PRIMPOL: variants seen among roughly 807,000 people sequenced by gnomAD.
PRIMPOL encodes the protein DNA-directed primase/polymerase protein.
In PRIMPOL, 54 loss-of-function variants were observed where a neutral mutation model predicts 63.6. The ratio of observed to expected loss-of-function variants is 0.85; its 90% CI spans 0.68 to 1.07. The LOEUF (loss-of-function observed/expected upper bound fraction) is 1.07. Ranked by LOEUF, PRIMPOL falls within the 50% of genes least tolerant of loss-of-function variation. PRIMPOL has a pLI of 0.00. For synonymous variants in PRIMPOL, 197 were observed against 220.2 expected, an observed-to-expected ratio of 0.89 and a Z score of 0.93; for missense variants, 610 against 648.3, an observed-to-expected ratio of 0.94 and a Z score of 0.64.
intron 6 of PRIMPOL, among the ~76,000 whole-genome samples, chr4:184,668,376 C>G (rs536812607): frequency 6.6e-6 from 1 of 152,262 alleles, no homozygotes; most frequent in Non-Finnish European, 1.5e-5. Context: ...GGCTAGAGTG[C>G]GCTGATTCTG....
intron 7 of PRIMPOL, among the ~76,000 whole-genome samples, chr4:184,675,978 C>T (rs999535283): frequency 6.6e-6 from 1 of 152,138 alleles, no homozygotes; most frequent in Non-Finnish European, 1.5e-5. Context: ...TAGTAGTAGT[C>T]TGATTTTATC....
intron 2 of PRIMPOL, among the ~76,000 whole-genome samples, chr4:184,655,386 CG>C (rs1260788536): frequency 1.4e-5 from 2 of 146,472 alleles, no homozygotes; most frequent in Non-Finnish European, 3.0e-5. Context: ...TGCAGTGGTG[CG>C]ATCTCGGCTC....
chr4:184,685,684 TGTAA>T lies in PRIMPOL; in HGVS notation c.1295+5_1295+8del. The T allele has an allele frequency of 7.7e-7, 1 of 1,303,172 alleles. No homozygotes were observed. The allele number at this position is 1,303,172 out of a possible 1,614,324, so 80.7% of individuals were successfully genotyped here. ...AGAGCCCATAAGAGTAATAATATAA[TGTAA>T]GTAATATTAATGATTTGTGTGTATT... On this transcript the variant is annotated splice_donor_variant and splice_donor_region_variant and intron_variant, in intron 11 of 13. Transcript: ENST00000314970. LOFTEE classifies it high-confidence loss of function.
chr4:184,682,423 A>G, intron 9 of PRIMPOL, 87 bp downstream of exon 9: 1 of 680,762 alleles, frequency 1.5e-6, no homozygotes. Flanking sequence ...ATCTCGGCTC[A>G]CTGCAGCCTC....
rs1307629784 is a variant in PRIMPOL, at chr4:184,661,721, A to C, written c.279-53A>C. The C allele has an allele frequency of 2.4e-6, 3 of 1,231,038 alleles. No homozygotes were observed. In the African/African-American group the frequency reaches 4.6e-5, roughly 19 times the overall value. The allele number at this position is 1,231,038 out of a possible 1,614,324, so 76.3% of individuals were successfully genotyped here. A position where few individuals can be genotyped will look rare whatever the true frequency, so the allele number is the denominator to read the frequency against. On this transcript the variant is annotated intron_variant, in intron 4 of 13. Transcript: ENST00000314970. ...CTCAGTCTCAGTCAGTCAATCAATCAATCAATAAAGGTATAATATATCAAT... is the reference window on the plus strand; with the variant it reads ...CTCAGTCTCAGTCAGTCAATCAATCCATCAATAAAGGTATAATATATCAAT...
chr4:184,677,111 T>C (rs1490127742), intron 7 of PRIMPOL, among the ~76,000 whole-genome samples: 1 of 144,228 alleles, frequency 6.9e-6, no homozygotes, highest in Admixed American at 7.0e-5. Flanking sequence ...TTCTCTCTCT[T>C]TCTTTCTAAG....
Position 184,691,690 on chromosome 4 carries a change from G to C in PRIMPOL, c.1403G>C (p.Cys468Ser), listed in dbSNP as rs776981101. 6.2e-7 allele frequency: 1 copy of C among 1,612,386 alleles called. No individual in the cohort carries two copies. The highest frequency in any genetic ancestry group is 1.1e-5 in the South Asian group (1 of 91,034). ...SDCFPLPAEV[C>S]LLFLFKEEEE... ...GGTTTCCCATTACCTGCTGAAGTAT[G>C]TCTCCTGTTTCTTTTCAAAGAGGTA... is the stretch of plus-strand genomic sequence containing the variant. Residue 468 changes from cysteine (C) to serine (S), a missense_variant, in exon 13 of 14, where the codon TGT (cysteine) becomes TCT (serine). Cys to Ser is a moderately radical substitution (Grantham distance 112). This residue lies in a region of PRIMPOL where 444 missense variants were observed against 456.4 expected (regional missense o/e 0.97). Transcript: ENST00000314970.
At chr4:184,656,785 C>G (rs542994225) in intron 2 of PRIMPOL, among the ~76,000 whole-genome samples, 67 of 152,284 alleles carry the variant, frequency 4.4e-4, no homozygotes, top group African/African-American at 1.6e-3. Flanking sequence ...TGTCTTACCA[C>G]ATTTATCTTC....
At chr4:184,693,456 A>T (rs1254280691) in intron 13 of PRIMPOL, among the ~76,000 whole-genome samples, 10 of 152,240 alleles carry the variant, frequency 6.6e-5, no homozygotes, top group African/African-American at 2.4e-4. Flanking sequence ...ATAACTTTTT[A>T]AAGTAAGATA....
intron 4 of PRIMPOL, 56 bp from the exon 5 acceptor site, chr4:184,661,718 A>ATC: frequency 8.3e-7 from 1 of 1,206,718 alleles, no homozygotes; most frequent in Non-Finnish European, 1.2e-6. Context: ...CAGTCAATCA[A>ATC]TCAATCAATA....
In PRIMPOL at chr4:184,666,059, A is replaced by T; in HGVS notation, c.551A>T (p.His184Leu). 6.2e-7 allele frequency: 1 copy of T among 1,603,054 alleles called. No homozygotes were observed. The highest frequency in any genetic ancestry group is 2.2e-5 in the East Asian group (1 of 44,818). Reference protein sequence around the residue: ...LHDVAFKDNIHVGNFLRKILQ... With the variant: ...LHDVAFKDNILVGNFLRKILQ... ...GATGTGGCATTTAAAGATAATATTC[A>T]TGTTGGTAAGTACACGGCTTTTTAA... Residue 184 changes from histidine to leucine, a missense_variant, in exon 6 of 14, where the codon CAT becomes CTT. This residue lies in a region of PRIMPOL where 444 missense variants were observed against 456.4 expected (regional missense o/e 0.97). Coordinates refer to ENST00000314970, the MANE Select transcript of PRIMPOL (RefSeq NM_152683.4).
chr4:184,669,141 C>A (rs1750877198), intron 6 of PRIMPOL, among the ~76,000 whole-genome samples: 1 of 152,170 alleles, frequency 6.6e-6, no homozygotes, highest in Non-Finnish European at 1.5e-5. Context: ...GGCTGCACAA[C>A]AAAGGCTTTT....
chr4:184,670,636 C>T (rs1207366679), intron 6 of PRIMPOL, among the ~76,000 whole-genome samples: 2 of 151,606 alleles, frequency 1.3e-5, no homozygotes, highest in Non-Finnish European at 2.9e-5. Flanking sequence ...GCAACCTCCA[C>T]CTCCCAGGTT....
At chr4:184,682,005 T>A (rs1160336834) in intron 8 of PRIMPOL, among the ~76,000 whole-genome samples, 2 of 152,238 alleles carry the variant, frequency 1.3e-5, no homozygotes, top group East Asian at 1.9e-4. Flanking sequence ...GATAGTATTA[T>A]AAGTAATCAC....
At chr4:184,667,357 C>T (rs969530254) in intron 6 of PRIMPOL, among the ~76,000 whole-genome samples, 23 of 151,870 alleles carry the variant, frequency 1.5e-4, no homozygotes, top group Non-Finnish European at 2.2e-4. Flanking sequence ...GTCGCCCAGG[C>T]TGGAGTGCAG....
At chr4:184,654,495 G>C (rs1286172862) in intron 2 of PRIMPOL, among the ~76,000 whole-genome samples, 2 of 142,718 alleles carry the variant, frequency 1.4e-5, no homozygotes, top group East Asian at 2.0e-4. Flanking sequence ...CCGTTGCCCA[G>C]GCTAGAGTGC....
Position 184,694,502 on chromosome 4 carries a change from C to T in PRIMPOL, c.1426-20C>T. The T allele has an allele frequency of 6.2e-7, 1 of 1,605,736 alleles. No homozygotes were observed. The highest frequency in any genetic ancestry group is 8.5e-7 in the Non-Finnish European group (1 of 1,173,774). On this transcript the variant is annotated intron_variant, in intron 13 of 13. Coordinates refer to ENST00000314970, the MANE Select transcript of PRIMPOL (RefSeq NM_152683.4). ...ATATTTTCCTATCCCACTCTCTATCCCTTCACCACTGAAATAAAGGAAGAA... is the reference window on the plus strand; with the variant it reads ...ATATTTTCCTATCCCACTCTCTATCTCTTCACCACTGAAATAAAGGAAGAA...
intron 6 of PRIMPOL, among the ~76,000 whole-genome samples, chr4:184,669,538 A>C (rs2150081242): frequency 6.6e-6 from 1 of 152,354 alleles, no homozygotes; most frequent in South Asian, 2.1e-4. Context: ...TACTAGCCAC[A>C]GGCCGAAAGC....
intron 9 of PRIMPOL, among the ~76,000 whole-genome samples, chr4:184,684,459 A>G (rs1282753853): frequency 6.7e-6 from 1 of 148,206 alleles, no homozygotes; most frequent in Non-Finnish European, 1.5e-5. Context: ...CTGTCTCAAG[A>G]AAAAAAAAAA....
Sources: gnomAD v4.1 joint callset for allele counts (sites outside exome capture counted in the v4.1 genomes callset) on GRCh38, gnomAD v4.1.1 for gene constraint, gnomAD v4.1.1 regional missense constraint, MANE v1.5 for transcripts, NCBI Gene and HGNC (gene_info 2026-07-23, HGNC 2026-07-21) for gene names.